ZNF273: variants seen among roughly 807,000 people sequenced by gnomAD.
ZNF273 encodes the protein zinc finger protein 273, also known as zinc finger protein 9.
A neutral mutation model predicts 14.9 loss-of-function variants in ZNF273; 11 were observed. The observed-to-expected ratio is 0.74, with a 90% CI of 0.46 to 1.22. The LOEUF (loss-of-function observed/expected upper bound fraction) is 1.22. Among genes scored for constraint, ZNF273 ranks in the 50% most tolerant of loss-of-function variants. The pLI is 0.00. For missense variants in ZNF273, 577 were observed against 660.6 expected (o/e 0.87, Z 1.39); for synonymous variants, 199 against 223.9 (o/e 0.89, Z 0.99).
At chr7:64,878,314 A>T (rs1192893062) in intron 1 of ZNF273, 2 of 152,338 alleles carry the variant, frequency 1.3e-5, no homozygotes, top group Non-Finnish European at 1.5e-5. Flanking sequence ...CCCAAGAAGG[A>T]ACACCTCCCA....
In ZNF273 at chr7:64,928,365, A is replaced by G. The variant is rs779634173; in HGVS notation, c.1037A>G (p.Tyr346Cys). Residue 346 changes from tyrosine to cysteine, a missense_variant, in exon 4 of 4, where the codon TAC becomes TGC. Transcript: ENST00000476120. ...ATAATTCATACTGGAGAGAAACCCT[A>G]CAAATGCAATGAATGTGGTAAAGCC... Reference protein sequence around the residue: ...HKIIHTGEKPYKCNECGKAFN... With the variant: ...HKIIHTGEKPCKCNECGKAFN... 2 of 1,613,704 alleles carry G rather than the reference A, an allele frequency of 1.2e-6. No individual in the cohort carries two copies. The highest frequency in any genetic ancestry group is 2.2e-5 in the East Asian group (1 of 44,850).
chr7:64,908,410 C>G lies in ZNF273; in HGVS notation c.102+4991C>G, dbSNP rs917122365. Among the ~76,000 whole-genome samples the G allele has an allele frequency of 6.6e-5, 10 of 152,166 alleles. No individual in the cohort carries two copies. In the East Asian group the frequency reaches 1.9e-3, roughly 29 times the overall value. On this transcript the variant is annotated intron_variant, in intron 1 of 3. Coordinates refer to ENST00000476120, the MANE Select transcript of ZNF273 (RefSeq NM_021148.3). ...TCCTCTTTGTCCTCTCACCCTCCAC[C>G]CTCAACTTGGCCTCTGTGTTTGTTG...
intron 1 of ZNF273, among the ~76,000 whole-genome samples, chr7:64,886,883 C>T (rs1791614640): frequency 6.6e-6 from 1 of 152,228 alleles, no homozygotes; most frequent in African/African-American, 2.4e-5. Flanking sequence ...TACATCATCA[C>T]CAATGTTGCC....
downstream of ZNF273, among the ~76,000 whole-genome samples, chr7:64,932,276 T>C (rs973273067): frequency 6.6e-6 from 1 of 151,802 alleles, no homozygotes; most frequent in African/African-American, 2.4e-5. Context: ...GTGGCAAATA[T>C]AAAATTTGCT....
At position 64,928,033 on chromosome 7, in the gene ZNF273, A is replaced by G; in HGVS notation, c.705A>G (p.Lys235=). The stretch of plus-strand genomic sequence containing the variant: ...CTGCTACTAGAGTGAATTTCTACAA[A>G]TGTAAGACATGTGGAAAAGCCTTTA... ...KKTATRVNFY[K]CKTCGKAFNQ... The change falls in exon 4 of 4, where the codon AAA becomes AAG. Residue 235 remains lysine (K), a synonymous_variant. Transcript: ENST00000476120. 6.2e-7 allele frequency: 1 copy of G among 1,608,356 alleles called. No homozygotes were observed. Among genetic ancestry groups the G allele is most frequent in the South Asian group, 1.1e-5 (1 of 90,858 alleles).
At chr7:64,931,167 A>T (rs1794983751), downstream of ZNF273, among the ~76,000 whole-genome samples, 1 of 152,140 alleles carries the variant, frequency 6.6e-6, no homozygotes, top group South Asian at 2.1e-4. Flanking sequence ...ACCTGTTTTC[A>T]AAAGAAAACA....
chr7:64,922,860 G>A (rs995548319), intron 3 of ZNF273, among the ~76,000 whole-genome samples: 9 of 151,994 alleles, frequency 5.9e-5, no homozygotes, highest in African/African-American at 7.2e-5. Flanking sequence ...CAGCTTTACC[G>A]GAGGCTGAGG....
At chr7:64,920,589 C>G (rs1024556027) in intron 3 of ZNF273, among the ~76,000 whole-genome samples, 5 of 152,222 alleles carry the variant, frequency 3.3e-5, no homozygotes, top group African/African-American at 1.2e-4. Context: ...AGAGTAAGTT[C>G]AGAATTCTCA....
At chr7:64,934,690 A>G (rs1795046833), downstream of ZNF273, among the ~76,000 whole-genome samples, 1 of 152,118 alleles carries the variant, frequency 6.6e-6, no homozygotes, top group Admixed American at 6.5e-5. Context: ...TTCAAGTACC[A>G]TACTGTTTTG....
At chr7:64,933,814 A>G (rs1795037933), downstream of ZNF273, among the ~76,000 whole-genome samples, 1 of 152,206 alleles carries the variant, frequency 6.6e-6, no homozygotes, top group African/African-American at 2.4e-5. Context: ...AAGTATATAT[A>G]CAATGTCAAA....
upstream of ZNF273, among the ~76,000 whole-genome samples, chr7:64,902,616 C>A (rs1407289485): frequency 6.6e-6 from 1 of 152,124 alleles, no homozygotes; most frequent in Admixed American, 6.5e-5. Context: ...GCAGGAGAAT[C>A]GCTTGAACCC....
chr7:64,925,805 T>A (rs1794740884), intron 3 of ZNF273, among the ~76,000 whole-genome samples: 1 of 152,226 alleles, frequency 6.6e-6, no homozygotes, highest in Non-Finnish European at 1.5e-5. Context: ...ATTATCTTTT[T>A]ATGTTGTATG....
intron 1 of ZNF273, among the ~76,000 whole-genome samples, chr7:64,911,782 G>T (rs1290572813): frequency 6.6e-6 from 1 of 151,764 alleles, no homozygotes; most frequent in African/African-American, 2.4e-5. Context: ...CTAGTTTAGG[G>T]ATTTGCTCTT....
downstream of ZNF273, among the ~76,000 whole-genome samples, chr7:64,894,132 G>A (rs1272415323): frequency 6.6e-6 from 1 of 152,094 alleles, no homozygotes; most frequent in African/African-American, 2.4e-5. Flanking sequence ...AGCCTCTAGA[G>A]TAGCTGAAAC....
chr7:64,918,858 T>A (rs947046481), intron 3 of ZNF273, among the ~76,000 whole-genome samples: 3 of 152,094 alleles, frequency 2.0e-5, no homozygotes, highest in Non-Finnish European at 4.4e-5. Flanking sequence ...GCTAAAGTCC[T>A]ATTCCTGGCA....
chr7:64,906,847 A>T (rs969990521), intron 1 of ZNF273, among the ~76,000 whole-genome samples: 2 of 148,288 alleles, frequency 1.3e-5, no homozygotes, highest in African/African-American at 5.0e-5. Flanking sequence ...AAAAAAAAAA[A>T]TTTGAATTCC....
At chr7:64,887,507 T>G (rs1791663279) in intron 1 of ZNF273, among the ~76,000 whole-genome samples, 1 of 152,150 alleles carries the variant, frequency 6.6e-6, no homozygotes. Flanking sequence ...TTGTTGTTTG[T>G]TTGTTTTTGA....
chr7:64,916,168 C>T (rs529961227), intron 1 of ZNF273, among the ~76,000 whole-genome samples: 1 of 152,054 alleles, frequency 6.6e-6, no homozygotes, highest in South Asian at 2.1e-4. Context: ...TGTACTCCAG[C>T]CTGGGCAACA....
At chr7:64,882,269 C>G (rs1487106396), downstream of ZNF273, among the ~76,000 whole-genome samples, 1 of 152,214 alleles carries the variant, frequency 6.6e-6, no homozygotes, top group African/African-American at 2.4e-5. Flanking sequence ...GTCCCAAGAG[C>G]AGCTTTCAGC....
Sources: allele counts gnomAD v4.1 joint callset (sites outside exome capture counted in the v4.1 genomes callset), GRCh38; gene constraint gnomAD v4.1.1; transcripts MANE v1.5; gene names NCBI Gene and HGNC (gene_info 2026-07-23, HGNC 2026-07-21).